EPB41L4B: variants seen among roughly 807,000 people sequenced by gnomAD.
EPB41L4B encodes band 4.1-like protein 4B.
A neutral mutation model predicts 112.5 loss-of-function variants in EPB41L4B; 30 were observed. The ratio of observed to expected loss-of-function variants is 0.27; its 90% CI spans 0.20 to 0.36. The LOEUF is 0.36. Ranked by LOEUF, EPB41L4B falls within the 10% of genes least tolerant of loss-of-function variation. EPB41L4B has a pLI of 1.00. For missense variants in EPB41L4B, 1,024 were observed against 1,133.3 expected (o/e 0.90, Z 1.38); for synonymous variants, 408 against 439.7 (o/e 0.93, Z 0.90).
At chr9:109,177,753 C>T (rs1564245420) in intron 24 of EPB41L4B, among the ~76,000 whole-genome samples, 1 of 150,724 alleles carries the variant, frequency 6.6e-6, no homozygotes, top group Admixed American at 6.6e-5. Context: ...AACCTGGGGG[C>T]GGAGTTTGCA....
chr9:109,246,624 T>C (rs535466839), intron 14 of EPB41L4B, among the ~76,000 whole-genome samples: 1 of 152,186 alleles, frequency 6.6e-6, no homozygotes, highest in Admixed American at 6.5e-5. Context: ...GAGAAATAAA[T>C]AGAGAAGTTG....
intron 23 of EPB41L4B, 33 bp downstream of exon 23, chr9:109,185,456 T>C: frequency 6.3e-7 from 1 of 1,598,600 alleles, no homozygotes; most frequent in Non-Finnish European, 8.6e-7. Flanking sequence ...TCACCTCTCC[T>C]GGCCAGGCCC....
At position 109,213,835 on chromosome 9, in the gene EPB41L4B, A is replaced by G. The variant is rs1363676194; in HGVS notation, c.1634-17T>C. 2.5e-6 allele frequency: 4 copies of G among 1,608,056 alleles called. No individual in the cohort carries two copies. In the East Asian group the frequency reaches 6.7e-5, roughly 27 times the overall value. On this transcript the variant is annotated splice_polypyrimidine_tract_variant and intron_variant, in intron 16 of 25. Coordinates refer to ENST00000374566, the MANE Select transcript of EPB41L4B (RefSeq NM_019114.5). ...GACTCAGTTCTACAAAGCAGCCAGG[A>G]GAAATAAATAAGGAAAGGTTGAAAG...
At chr9:109,208,672 T>C (rs1001181034) in intron 17 of EPB41L4B, among the ~76,000 whole-genome samples, 11 of 152,208 alleles carry the variant, frequency 7.2e-5, no homozygotes, top group Non-Finnish European at 1.0e-4. Context: ...TTGAACTGTG[T>C]CCAAAGCAAT....
chr9:109,298,288 G>A (rs934522235), intron 1 of EPB41L4B, among the ~76,000 whole-genome samples: 1 of 149,054 alleles, frequency 6.7e-6, no homozygotes, highest in Non-Finnish European at 1.5e-5. Flanking sequence ...CATTCACTAA[G>A]AAGAAAATTT....
chr9:109,243,206 C>T (rs1415338339), intron 15 of EPB41L4B, among the ~76,000 whole-genome samples: 1 of 114,264 alleles, frequency 8.8e-6, no homozygotes, highest in African/African-American at 3.4e-5. Context: ...CCCCAGCCCA[C>T]CCCCGCAAAA....
At chr9:109,176,488 C>A in intron 25 of EPB41L4B, 63 bp downstream of exon 25, 1 of 1,525,042 alleles carries the variant, frequency 6.6e-7, no homozygotes, top group South Asian at 1.3e-5. Context: ...CACAATGAAC[C>A]TAGAGTCTCC....
intron 24 of EPB41L4B, among the ~76,000 whole-genome samples, chr9:109,176,938 G>GT (rs1831866490): frequency 6.6e-6 from 1 of 152,194 alleles, no homozygotes; most frequent in Non-Finnish European, 1.5e-5. Flanking sequence ...ACCATCAGTT[G>GT]TAAGATGCAC....
intron 13 of EPB41L4B, among the ~76,000 whole-genome samples, chr9:109,248,412 G>A (rs1006105600): frequency 6.6e-5 from 10 of 152,178 alleles, no homozygotes; most frequent in African/African-American, 2.2e-4. Flanking sequence ...TGACCACCTC[G>A]TTTTACAGAT....
At chr9:109,179,328 A>G (rs988978241) in intron 24 of EPB41L4B, among the ~76,000 whole-genome samples, 1 of 152,224 alleles carries the variant, frequency 6.6e-6, no homozygotes, top group African/African-American at 2.4e-5. Flanking sequence ...AACCCCTGTC[A>G]CTGTCGCCAG....
At chr9:109,305,061 A>G (rs1255310797) in intron 1 of EPB41L4B, among the ~76,000 whole-genome samples, 1 of 152,068 alleles carries the variant, frequency 6.6e-6, no homozygotes, top group Admixed American at 6.5e-5. Flanking sequence ...CAAAAACTAA[A>G]AAGGTCAATA....
rs750488673 is a variant in EPB41L4B at position 109,174,625 on chromosome 9, T to TA, written c.2634-3dup. 2.0e-5 allele frequency: 32 copies of TA among 1,609,132 alleles called. No homozygotes were observed. Among genetic ancestry groups the TA allele is most frequent in the Non-Finnish European group, 2.5e-5 (29 of 1,176,916 alleles). ...AGTTCCTGCCGGAGTGTCTCTGCAC[T>TA]AAAAAAAAGTATGTGACAAAATAGT... On this transcript the variant is annotated splice_region_variant and splice_polypyrimidine_tract_variant and intron_variant, in intron 25 of 25. Coordinates refer to ENST00000374566, the MANE Select transcript of EPB41L4B (RefSeq NM_019114.5).
chr9:109,173,413 T>TC lies in EPB41L4B; in HGVS notation c.*1140_*1141insG, dbSNP rs1831698272. 1 of 151,126 alleles carries TC rather than the reference T, an allele frequency of 6.6e-6. No individual in the cohort carries two copies. Among genetic ancestry groups the TC allele is most frequent in the Non-Finnish European group, 1.5e-5 (1 of 67,676 alleles). 9.4% of individuals were successfully genotyped at this position (151,126 alleles called of 1,614,324 possible). ...GGAATAATCCAAAAGAAGGAGCAGTTTTTTTTTTTTACAGACATTCATAGC... is the reference window on the plus strand; with the variant it reads ...GGAATAATCCAAAAGAAGGAGCAGTTCTTTTTTTTTTACAGACATTCATAGC... On this transcript the variant is annotated 3_prime_UTR_variant, in exon 26 of 26. Transcript: ENST00000374566.
At chr9:109,184,003 A>G (rs1832164306) in intron 23 of EPB41L4B, among the ~76,000 whole-genome samples, 1 of 152,138 alleles carries the variant, frequency 6.6e-6, no homozygotes, top group South Asian at 2.1e-4. Context: ...CTTCCCCCAA[A>G]TTTCTTTGGT....
At chr9:109,268,694 C>T (rs1017254050) in intron 2 of EPB41L4B, among the ~76,000 whole-genome samples, 2 of 151,828 alleles carry the variant, frequency 1.3e-5, no homozygotes, top group Non-Finnish European at 1.5e-5. Context: ...GTCAGGAGAT[C>T]GAGACCATCC....
At chr9:109,209,367 A>G (rs1431949402) in intron 17 of EPB41L4B, among the ~76,000 whole-genome samples, 2 of 152,014 alleles carry the variant, frequency 1.3e-5, no homozygotes, top group African/African-American at 2.4e-5. Context: ...ATTAAAAAAA[A>G]AAAGGATCAT....
chr9:109,213,378 T>C (rs923635540), intron 17 of EPB41L4B, among the ~76,000 whole-genome samples: 1 of 152,142 alleles, frequency 6.6e-6, no homozygotes, highest in Non-Finnish European at 1.5e-5. Flanking sequence ...CAGAGGGAGA[T>C]AGAGGGCTAG....
chr9:109,275,416 T>TCAC (rs1483342472), intron 2 of EPB41L4B, among the ~76,000 whole-genome samples: 1 of 152,108 alleles, frequency 6.6e-6, no homozygotes, highest in Non-Finnish European at 1.5e-5. Context: ...TGACATCCAA[T>TCAC]CACCTCCCAG....
chr9:109,313,903 A>C (rs1200954236), intron 1 of EPB41L4B, among the ~76,000 whole-genome samples: 1 of 152,260 alleles, frequency 6.6e-6, no homozygotes, highest in Non-Finnish European at 1.5e-5. Flanking sequence ...TATGAAATAA[A>C]GCACAGATGA....
Sources: gnomAD v4.1 joint callset for allele counts (sites outside exome capture counted in the v4.1 genomes callset) on GRCh38, gnomAD v4.1.1 for gene constraint, MANE v1.5 for transcripts, NCBI Gene and HGNC (gene_info 2026-07-23, HGNC 2026-07-21) for gene names.